The following CA10 variants were observed in gnomAD, a reference collection of about 807,000 sequenced individuals.
The protein encoded by CA10 is carbonic anhydrase 10 (inactive).
Under a neutral mutation model 44.2 loss-of-function variants are expected in CA10, and 14 were observed. That is an observed-to-expected ratio of 0.32 (90% CI 0.21 to 0.50). The LOEUF is 0.50. CA10 is among the 20% of genes least tolerant of loss of function. The pLI is 0.99. For synonymous variants in CA10, 159 were observed against 141.6 expected, an observed-to-expected ratio of 1.12 and a Z score of -0.87; for missense variants, 350 against 409.7, an observed-to-expected ratio of 0.85 and a Z score of 1.26.
intron 3 of CA10, among the ~76,000 whole-genome samples, chr17:51,847,492 A>G (rs1191939439): frequency 6.6e-6 from 1 of 152,102 alleles, no homozygotes; most frequent in Non-Finnish European, 1.5e-5. Context: ...TTTCAATATC[A>G]TGGTCACTTG....
intron 5 of CA10, among the ~76,000 whole-genome samples, chr17:51,650,975 C>A (rs1913540503): frequency 6.6e-6 from 1 of 152,090 alleles, no homozygotes; most frequent in African/African-American, 2.4e-5. Flanking sequence ...GCAATTACAG[C>A]CAAATCTCAG....
chr17:51,647,077 G>C (rs1913372255), intron 6 of CA10, among the ~76,000 whole-genome samples: 1 of 152,066 alleles, frequency 6.6e-6, no homozygotes, highest in African/African-American at 2.4e-5. Flanking sequence ...GGGTGCTCCT[G>C]CTGTCTTCTA....
At chr17:51,699,514 T>A (rs1400961898) in intron 4 of CA10, among the ~76,000 whole-genome samples, 1 of 152,082 alleles carries the variant, frequency 6.6e-6, no homozygotes, top group Non-Finnish European at 1.5e-5. Context: ...TGCCAGCAGG[T>A]GGCTACTGGT....
At chr17:51,880,345 C>T (rs749398081) in intron 3 of CA10, among the ~76,000 whole-genome samples, 5 of 151,940 alleles carry the variant, frequency 3.3e-5, no homozygotes, top group Non-Finnish European at 7.4e-5. Context: ...CTTGCTCTGT[C>T]ACCCAGGCTG....
chr17:52,125,415 G>A (rs926500621), intron 1 of CA10, among the ~76,000 whole-genome samples: 28 of 152,288 alleles, frequency 1.8e-4, no homozygotes, highest in South Asian at 6.2e-4. Context: ...ACATCCCAGA[G>A]TATCTAAGAA....
chr17:51,788,367 A>G (rs1906377503), intron 3 of CA10, among the ~76,000 whole-genome samples: 2 of 152,340 alleles, frequency 1.3e-5, no homozygotes, highest in East Asian at 1.9e-4. Flanking sequence ...GTGTCATAAC[A>G]TATGGTCTAC....
intron 3 of CA10, among the ~76,000 whole-genome samples, chr17:51,790,343 G>T (rs1408185864): frequency 6.6e-6 from 1 of 152,130 alleles, no homozygotes; most frequent in Non-Finnish European, 1.5e-5. Context: ...CGTGAAACAG[G>T]ATGACATGCC....
intron 1 of CA10, among the ~76,000 whole-genome samples, chr17:52,130,858 A>G (rs186596907): frequency 6.6e-5 from 10 of 152,158 alleles, no homozygotes; most frequent in African/African-American, 2.2e-4. Flanking sequence ...CCACCAAAGG[A>G]TATAAATTTC....
intron 2 of CA10, among the ~76,000 whole-genome samples, chr17:51,962,618 A>G (rs2144053611): frequency 6.6e-6 from 1 of 152,298 alleles, no homozygotes; most frequent in Admixed American, 6.5e-5. Flanking sequence ...CTCAATATAA[A>G]TTTACCAAGA....
At chr17:51,985,546 A>T (rs1984803256) in intron 2 of CA10, among the ~76,000 whole-genome samples, 1 of 152,058 alleles carries the variant, frequency 6.6e-6, no homozygotes, top group South Asian at 2.1e-4. Flanking sequence ...AGGGCATCCA[A>T]ACTGGTAAAG....
intron 2 of CA10, among the ~76,000 whole-genome samples, chr17:52,028,191 G>A (rs891899939): frequency 6.6e-5 from 10 of 152,132 alleles, no homozygotes; most frequent in African/African-American, 2.4e-4. Context: ...TTAACAAAAT[G>A]CAGAGGCTGC....
intron 3 of CA10, among the ~76,000 whole-genome samples, chr17:51,856,854 G>A (rs962350284): frequency 6.6e-6 from 1 of 152,124 alleles, no homozygotes; most frequent in African/African-American, 2.4e-5. Context: ...CTGATAAAAT[G>A]GTTCTACATG....
rs549738566 is a variant in CA10 at position 51,765,746 on chromosome 17, T to C, written c.280-17928A>G. Among the ~76,000 whole-genome samples, 11 of 146,040 alleles carry C rather than the reference T, an allele frequency of 7.5e-5. No homozygotes were observed. The East Asian group carries it at 1.5e-3, about 19-fold the overall frequency. ...GTGTATGTGTGTGTGCATGCATGTGTTTAGGGGGGGTTGGGTATAGACAAT... is the reference window on the plus strand; with the variant it reads ...GTGTATGTGTGTGTGCATGCATGTGCTTAGGGGGGGTTGGGTATAGACAAT... On this transcript the variant is annotated intron_variant, in intron 3 of 8. Transcript: ENST00000451037.
chr17:52,141,928 G>C (rs960933021), intron 1 of CA10, among the ~76,000 whole-genome samples: 15 of 152,170 alleles, frequency 9.9e-5, no homozygotes, highest in African/African-American at 3.6e-4. Context: ...CCTGATGAAA[G>C]TAGAAAGGCA....
intron 3 of CA10, among the ~76,000 whole-genome samples, chr17:51,822,942 G>T (rs1196611575): frequency 6.6e-6 from 1 of 152,182 alleles, no homozygotes; most frequent in Admixed American, 6.5e-5. Context: ...GGCCTAAGGA[G>T]GAGACACAGC....
At chr17:51,675,302 A>G (rs1174680895) in intron 4 of CA10, among the ~76,000 whole-genome samples, 5 of 152,108 alleles carry the variant, frequency 3.3e-5, no homozygotes, top group Non-Finnish European at 7.4e-5. Flanking sequence ...GCTCATGCCT[A>G]TAATCCTAGC....
chr17:51,935,274 C>T (rs1367169980), intron 2 of CA10, among the ~76,000 whole-genome samples: 3 of 152,128 alleles, frequency 2.0e-5, no homozygotes, highest in Non-Finnish European at 4.4e-5. Context: ...CATGGCTATC[C>T]TCCAAAATCA....
intron 3 of CA10, among the ~76,000 whole-genome samples, chr17:51,868,891 GTTT>G (rs75281671): frequency 7.9e-5 from 11 of 139,338 alleles, no homozygotes; most frequent in African/African-American, 2.1e-4. Flanking sequence ...AAGTTTTTTT[GTTT>G]TTTTTTTTTT....
intron 2 of CA10, among the ~76,000 whole-genome samples, chr17:52,042,788 C>T (rs778709716): frequency 3.3e-5 from 5 of 151,916 alleles, no homozygotes; most frequent in African/African-American, 7.2e-5. Flanking sequence ...TGTAAAACAA[C>T]GGTCTAATTC....
Sources: allele counts gnomAD v4.1 joint callset (sites outside exome capture counted in the v4.1 genomes callset), GRCh38; gene constraint gnomAD v4.1.1; transcripts MANE v1.5; gene names NCBI Gene and HGNC (gene_info 2026-07-23, HGNC 2026-07-21).